Variants in C8orf34 observed in about 807,000 individuals in gnomAD.
C8orf34 encodes the protein chromosome 8 open reading frame 34.
Under a neutral mutation model 68.3 loss-of-function variants are expected in C8orf34, and 65 were observed. That is an observed-to-expected ratio of 0.95 (90% CI 0.78 to 1.17). The LOEUF (loss-of-function observed/expected upper bound fraction) is 1.17, where lower values mean the gene tolerates loss of function less well. C8orf34 is among the 50% of genes most tolerant of loss of function. The pLI is 0.00. For missense variants in C8orf34, 664 were observed against 655.4 expected, an observed-to-expected ratio of 1.01 and a Z score of -0.14; for synonymous variants, 244 against 241.2, an observed-to-expected ratio of 1.01 and a Z score of -0.11.
intron 8 of C8orf34, among the ~76,000 whole-genome samples, chr8:68,662,116 G>C (rs1403373396): frequency 1.3e-5 from 2 of 152,142 alleles, no homozygotes; most frequent in Non-Finnish European, 2.9e-5. Context: ...ATAGGGCTTG[G>C]GGCTTTGGCG....
intron 7 of C8orf34, among the ~76,000 whole-genome samples, chr8:68,538,063 C>T (rs1400240348): frequency 6.6e-6 from 1 of 152,150 alleles, no homozygotes; most frequent in Non-Finnish European, 1.5e-5. Context: ...CTCAATTATA[C>T]ACCTATTGGA....
intron 7 of C8orf34, among the ~76,000 whole-genome samples, chr8:68,566,839 AG>A (rs1816605203): frequency 2.0e-5 from 3 of 152,222 alleles, no homozygotes; most frequent in African/African-American, 7.2e-5. Context: ...TTCATCATAA[AG>A]GGATGCTGGA....
At chr8:68,531,552 A>G (rs1050376334) in intron 6 of C8orf34, among the ~76,000 whole-genome samples, 1 of 152,130 alleles carries the variant, frequency 6.6e-6, no homozygotes, top group African/African-American at 2.4e-5. Context: ...TTATTATATC[A>G]TATTAGGAAG....
chr8:68,701,275 C>G (rs1008182646), intron 8 of C8orf34, among the ~76,000 whole-genome samples: 3 of 152,040 alleles, frequency 2.0e-5, no homozygotes, highest in African/African-American at 7.2e-5. Context: ...GTCTGAAATG[C>G]ATTTTATTGG....
Position 68,331,260 on chromosome 8 carries a change from A to G in C8orf34, c.248A>G (p.His83Arg), listed in dbSNP as rs1805573551. The G allele has an allele frequency of 2.0e-6, 3 of 1,536,322 alleles. No homozygotes were observed. The highest frequency in any genetic ancestry group is 2.6e-6 in the Non-Finnish European group (3 of 1,146,944). Residue 83 changes from histidine (H) to arginine (R), a missense_variant, in exon 1 of 14, where the codon CAT becomes CGT. Physicochemically the swap from His to Arg is conservative, Grantham distance 29 (BLOSUM62 0). Transcript: ENST00000518698. ...CTCCCTGCACTCTCTTCGCGGTCCC[A>G]TCTGTTCCCCATGGCGTCTCATCCG... ...RVLPALSSRS[H>R]LFPMASHPQT... is the part of the protein sequence containing the mutation.
intron 1 of C8orf34, among the ~76,000 whole-genome samples, chr8:68,336,235 A>G (rs893661392): frequency 6.6e-6 from 1 of 152,060 alleles, no homozygotes; most frequent in Non-Finnish European, 1.5e-5. Context: ...CCATACAAAG[A>G]GAACAGCTAA....
chr8:68,657,284 T>C (rs1563589988), intron 8 of C8orf34, among the ~76,000 whole-genome samples: 1 of 152,214 alleles, frequency 6.6e-6, no homozygotes. Flanking sequence ...TGAAATCTAT[T>C]TCCCAGTATA....
intron 7 of C8orf34, among the ~76,000 whole-genome samples, chr8:68,592,799 G>T (rs1817436757): frequency 6.6e-6 from 1 of 151,444 alleles, no homozygotes. Context: ...AGTAGAGATG[G>T]GGTTTCACCA....
At chr8:68,698,423 G>A (rs570252057) in intron 8 of C8orf34, among the ~76,000 whole-genome samples, 1 of 152,082 alleles carries the variant, frequency 6.6e-6, no homozygotes, top group Non-Finnish European at 1.5e-5. Flanking sequence ...GCACAGAAAA[G>A]CCTGGAAGTG....
At chr8:68,455,919 G>C (rs1811527725) in intron 3 of C8orf34, among the ~76,000 whole-genome samples, 1 of 151,650 alleles carries the variant, frequency 6.6e-6, no homozygotes, top group African/African-American at 2.4e-5. Context: ...ACTTCTGTGG[G>C]TAGAAAAAAA....
At chr8:68,396,222 A>G (rs1289659295) in intron 1 of C8orf34, among the ~76,000 whole-genome samples, 2 of 152,106 alleles carry the variant, frequency 1.3e-5, no homozygotes, top group Non-Finnish European at 2.9e-5. Context: ...TGAGTTTGAC[A>G]TACGATTTTA....
At chr8:68,358,534 T>A (rs1806844338) in intron 1 of C8orf34, among the ~76,000 whole-genome samples, 1 of 152,026 alleles carries the variant, frequency 6.6e-6, no homozygotes, top group South Asian at 2.1e-4. Flanking sequence ...CATGTTTATT[T>A]GTTCAGTGTC....
At chr8:68,401,086 T>A (rs747418720) in intron 1 of C8orf34, among the ~76,000 whole-genome samples, 3 of 151,440 alleles carry the variant, frequency 2.0e-5, no homozygotes, top group Non-Finnish European at 2.9e-5. Flanking sequence ...TATAGAGATC[T>A]TTCACCTCCT....
chr8:68,633,021 T>G (rs1563575015), intron 7 of C8orf34, among the ~76,000 whole-genome samples: 1 of 152,174 alleles, frequency 6.6e-6, no homozygotes, highest in South Asian at 2.1e-4. Flanking sequence ...GGCTTCAGAT[T>G]TCATAAATCT....
intron 5 of C8orf34, among the ~76,000 whole-genome samples, chr8:68,516,038 A>T (rs1206396233): frequency 1.3e-5 from 2 of 152,228 alleles, no homozygotes; most frequent in African/African-American, 2.4e-5. Flanking sequence ...TGTGTAACAG[A>T]ATTGTGTTCC....
intron 7 of C8orf34, among the ~76,000 whole-genome samples, chr8:68,601,134 C>T (rs1817686032): frequency 6.6e-6 from 1 of 152,044 alleles, no homozygotes; most frequent in South Asian, 2.1e-4. Context: ...TTGGTGTTTC[C>T]CTATAAATCA....
At position 68,690,272 on chromosome 8, in the gene C8orf34, C is replaced by T. The variant is rs1301310995; in HGVS notation, c.1242-18722C>T. 3.3e-5 allele frequency among the ~76,000 whole-genome samples: 5 copies of T among 151,864 alleles called. No individual in the cohort carries two copies. The South Asian group carries it at 6.2e-4, about 19-fold the overall frequency. Reference sequence around the variant, plus strand: ...TTGAAAACTATTGTAGGGGAGGCAACATTTCACCTCTACCTTCCTAGAATT... The same window carrying T: ...TTGAAAACTATTGTAGGGGAGGCAATATTTCACCTCTACCTTCCTAGAATT... On this transcript the variant is annotated intron_variant, in intron 8 of 13. Coordinates refer to ENST00000518698, the MANE Select transcript of C8orf34 (RefSeq NM_052958.4).
At chr8:68,719,282 T>C (rs1821563740) in intron 9 of C8orf34, among the ~76,000 whole-genome samples, 2 of 152,078 alleles carry the variant, frequency 1.3e-5, no homozygotes, top group Non-Finnish European at 2.9e-5. Context: ...CTCTCAAATG[T>C]TCTGGCAGTA....
intron 8 of C8orf34, among the ~76,000 whole-genome samples, chr8:68,669,013 G>A (rs961059014): frequency 6.6e-6 from 1 of 152,122 alleles, no homozygotes; most frequent in Non-Finnish European, 1.5e-5. Flanking sequence ...AGAGAACCTA[G>A]CCAAGTTCAC....
Sources: gnomAD v4.1 joint callset for allele counts (sites outside exome capture counted in the v4.1 genomes callset) on GRCh38, gnomAD v4.1.1 for gene constraint, MANE v1.5 for transcripts, NCBI Gene and HGNC (gene_info 2026-07-23, HGNC 2026-07-21) for gene names.